JMJD1C: variants seen among roughly 807,000 people sequenced by gnomAD.
JMJD1C encodes the protein jumonji domain containing 1C, also known as jumonji domain-containing protein 1C.
A neutral mutation model predicts 245.3 loss-of-function variants in JMJD1C; 31 were observed. That is an observed-to-expected ratio of 0.13 (90% CI 0.09 to 0.17). The LOEUF (loss-of-function observed/expected upper bound fraction) is 0.17, where lower values mean the gene tolerates loss of function less well. Among genes scored for constraint, JMJD1C ranks in the 10% least tolerant of loss-of-function variants. JMJD1C has a pLI of 1.00. For synonymous variants in JMJD1C, 1,057 were observed against 1,017.4 expected (o/e 1.04, Z -0.74); for missense variants, 2,691 against 3,000.2 (o/e 0.90, Z 2.41).
rs61130615 is a variant in JMJD1C at position 63,398,645 on chromosome 10, ATTT to A, written c.169-18166_169-18164del. Among the ~76,000 whole-genome samples, 281 of 122,630 alleles carry A rather than the reference ATTT, an allele frequency of 2.3e-3. 4 individuals carry two copies. Among genetic ancestry groups the A allele is most frequent in the East Asian group, 7.2e-3 (30 of 4,146 alleles). 80.5% of individuals were successfully genotyped at this position (122,630 alleles called of 152,430 possible). A position where few individuals can be genotyped will look rare whatever the true frequency, so the allele number is the denominator to read the frequency against. ...TTCATCATTTACTATCTGAAAAAAA[ATTT>A]TTTTTTTTTTTTTGAGACAGACTCT... On this transcript the variant is annotated intron_variant, in intron 1 of 25. Transcript: ENST00000399262.
chr10:63,249,250 A>G (rs1852707228), intron 3 of JMJD1C, among the ~76,000 whole-genome samples: 1 of 152,192 alleles, frequency 6.6e-6, no homozygotes, highest in South Asian at 2.1e-4. Flanking sequence ...TGGGAGGCAG[A>G]GGTTGCAGTC....
At chr10:63,296,675 T>C (rs891677419) in intron 2 of JMJD1C, among the ~76,000 whole-genome samples, 3 of 152,166 alleles carry the variant, frequency 2.0e-5, no homozygotes, top group African/African-American at 7.2e-5. Context: ...CTATGAATGG[T>C]CAAGGAAGTG....
chr10:63,466,171 A>G (rs112401830), upstream of JMJD1C: 3,917 of 189,956 alleles, frequency 0.021, 118 homozygotes, highest in African/African-American at 0.069. Flanking sequence ...GGGAGACGAA[A>G]AAATGAAGAG....
chr10:63,265,088 C>T (rs185460313), intron 2 of JMJD1C, among the ~76,000 whole-genome samples: 142 of 151,802 alleles, frequency 9.4e-4, no homozygotes, highest in African/African-American at 3.3e-3. Flanking sequence ...GCTTTTGAAA[C>T]AGTAAACTGG....
chr10:63,393,978 G>C (rs1564872234), intron 1 of JMJD1C, among the ~76,000 whole-genome samples: 1 of 152,110 alleles, frequency 6.6e-6, no homozygotes, highest in Non-Finnish European at 1.5e-5. Flanking sequence ...GTCGAGAGGA[G>C]TTCGAGACCA....
At chr10:63,345,037 C>T (rs1010511420) in intron 2 of JMJD1C, among the ~76,000 whole-genome samples, 1 of 152,012 alleles carries the variant, frequency 6.6e-6, no homozygotes, top group Non-Finnish European at 1.5e-5. Context: ...GATATCTGCC[C>T]AAATAAAATA....
chr10:63,203,031 C>A, intron 10 of JMJD1C: 1 of 984,924 alleles, frequency 1.0e-6, no homozygotes, highest in African/African-American at 1.7e-5. Flanking sequence ...AAGAATCAGA[C>A]ATTTCAAAGC....
intron 1 of JMJD1C, among the ~76,000 whole-genome samples, chr10:63,419,055 C>A (rs1343104789): frequency 1.5e-5 from 2 of 136,322 alleles, no homozygotes; most frequent in South Asian, 2.3e-4. Context: ...CCAACCTGGG[C>A]AACAGAGTGA....
chr10:63,266,399 CTATT>C (rs1229329403), intron 2 of JMJD1C, among the ~76,000 whole-genome samples: 3 of 151,686 alleles, frequency 2.0e-5, no homozygotes, highest in Non-Finnish European at 4.4e-5. Context: ...TCATAAAATC[CTATT>C]TATTATTTTA....
intron 1 of JMJD1C, among the ~76,000 whole-genome samples, chr10:63,429,497 A>T (rs1011018907): frequency 1.3e-5 from 2 of 152,242 alleles, no homozygotes; most frequent in African/African-American, 2.4e-5. Flanking sequence ...GAAGGATGAG[A>T]ACAAAAACTA....
rs766770797 is a variant in JMJD1C, at chr10:63,200,672, T to C, written c.5080A>G (p.Ile1694Val). ...LKLQSNSNTG[I>V]PRSVLKDWRK... ...CAATCTTTCAATACTGAACGAGGAATGCCAGCTGTAAAATCAGTAGGAAAG... is the reference window on the plus strand; with the variant it reads ...CAATCTTTCAATACTGAACGAGGAACGCCAGCTGTAAAATCAGTAGGAAAG... The change falls in exon 11 of 26, where the codon ATT (isoleucine) becomes GTT (valine). Residue 1694 changes from isoleucine (I) to valine (V), a missense_variant. Transcript: ENST00000399262. 4.3e-6 allele frequency: 7 copies of C among 1,613,706 alleles called. No homozygotes were observed. In the African/African-American group the frequency reaches 8.0e-5, roughly 18 times the overall value.
intron 4 of JMJD1C, among the ~76,000 whole-genome samples, chr10:63,219,624 T>C (rs921942915): frequency 5.9e-5 from 9 of 152,190 alleles, no homozygotes; most frequent in African/African-American, 2.2e-4. Context: ...AATATGCAGT[T>C]TTCTGTCAAC....
intron 1 of JMJD1C, among the ~76,000 whole-genome samples, chr10:63,485,397 C>A (rs928741701): frequency 6.6e-6 from 1 of 152,088 alleles, no homozygotes. Flanking sequence ...TCCATTTCTA[C>A]CTCACAAGTC....
intron 1 of JMJD1C, among the ~76,000 whole-genome samples, chr10:63,392,373 T>C (rs1282429608): frequency 1.3e-5 from 2 of 152,292 alleles, no homozygotes; most frequent in South Asian, 4.1e-4. Flanking sequence ...AATGCGACTA[T>C]ATTAAACTGC....
At chr10:63,393,579 C>G (rs1948249121) in intron 1 of JMJD1C, among the ~76,000 whole-genome samples, 1 of 152,104 alleles carries the variant, frequency 6.6e-6, no homozygotes, top group Non-Finnish European at 1.5e-5. Flanking sequence ...AAAGGGATAC[C>G]TGCACCCCCA....
intron 24 of JMJD1C, among the ~76,000 whole-genome samples, chr10:63,169,074 C>T (rs763590717): frequency 6.6e-6 from 1 of 152,128 alleles, no homozygotes; most frequent in African/African-American, 2.4e-5. Context: ...CTACTGACCT[C>T]GACTGAGTTT....
chr10:63,217,374 A>G (rs1043481112), intron 4 of JMJD1C, 43 bp from the exon 5 acceptor site: 2 of 1,462,000 alleles, frequency 1.4e-6, no homozygotes, highest in African/African-American at 1.4e-5. Flanking sequence ...AAATGGAGAC[A>G]TCTTCATTTA....
intron 10 of JMJD1C, among the ~76,000 whole-genome samples, chr10:63,205,439 A>T (rs1251185486): frequency 6.6e-6 from 1 of 152,106 alleles, no homozygotes; most frequent in Non-Finnish European, 1.5e-5. Flanking sequence ...TACTTGGGGG[A>T]AAAAATATTC....
At chr10:63,368,923 T>C (rs1196161296) in intron 2 of JMJD1C, among the ~76,000 whole-genome samples, 1 of 151,394 alleles carries the variant, frequency 6.6e-6, no homozygotes, top group Non-Finnish European at 1.5e-5. Context: ...GCTGGGATTA[T>C]AGGCATGAAT....
Sources: gnomAD v4.1 joint callset for allele counts (sites outside exome capture counted in the v4.1 genomes callset) on GRCh38, gnomAD v4.1.1 for gene constraint, MANE v1.5 for transcripts, NCBI Gene and HGNC (gene_info 2026-07-23, HGNC 2026-07-21) for gene names.